Variants in MBP observed in about 807,000 individuals in gnomAD.
MBP encodes the protein Golli-MBP.
MBP carries 16 observed loss-of-function variants against 35.8 expected under a neutral mutation model. That is an observed-to-expected ratio of 0.45 (90% CI 0.30 to 0.68). The LOEUF is 0.68. Among genes scored for constraint, MBP ranks in the 30% least tolerant of loss-of-function variants. The pLI, the probability that MBP is intolerant of heterozygous loss-of-function variation, is 0.08. For missense variants in MBP, 380 were observed against 404.7 expected (o/e 0.94, Z 0.52); for synonymous variants, 143 against 159.6 (o/e 0.90, Z 0.78).
chr18:76,985,313 G>A (rs1969482949), intron 7 of MBP: 17 of 1,297,736 alleles, frequency 1.3e-5, no homozygotes, highest in South Asian at 1.2e-4. Flanking sequence ...GGGGCTGTGC[G>A]CTGTGTAGGT....
In MBP at chr18:77,131,081, ACGCG is replaced by A. The variant is rs57104328; in HGVS notation, c.-26+1495_-26+1498del. ...ACAAAACACACACACGCGCGCACGC[ACGCG>A]CACACACACACACACACACACACAC... On this transcript the variant is annotated intron_variant, in intron 1 of 8. Transcript: ENST00000355994. This position sits in a 1 kb window ranked among gnomAD's most constrained non-coding sequence, Gnocchi z 5.5. 0.18 allele frequency among the ~76,000 whole-genome samples: 15,627 copies of A among 87,494 alleles called. 1,089 individuals carry two copies. The highest frequency in any genetic ancestry group is 0.25 in the Middle Eastern group (35 of 142). The allele number at this position is 87,494 out of a possible 152,430, so 57.4% of individuals were successfully genotyped here.
chr18:77,019,712 G>T (rs1971911985), intron 3 of MBP, among the ~76,000 whole-genome samples: 1 of 152,242 alleles, frequency 6.6e-6, no homozygotes, highest in African/African-American at 2.4e-5. Context: ...GCTTGGGTCA[G>T]CAGGAAGGTC....
chr18:76,996,822 A>C (rs1188359796), intron 4 of MBP, among the ~76,000 whole-genome samples: 1 of 152,170 alleles, frequency 6.6e-6, no homozygotes, highest in Non-Finnish European at 1.5e-5. Context: ...CAACTCATAG[A>C]AGTGTACCCC....
At chr18:77,050,510 T>G (rs1973446426) in intron 3 of MBP, among the ~76,000 whole-genome samples, 1 of 152,214 alleles carries the variant, frequency 6.6e-6, no homozygotes, top group Non-Finnish European at 1.5e-5. Flanking sequence ...AACTGAGCTG[T>G]GTGCCTCGCA....
In MBP at chr18:77,032,694, C is replaced by T. The variant is rs561756420; in HGVS notation, c.140-15426G>A. 3.3e-5 allele frequency among the ~76,000 whole-genome samples: 5 copies of T among 152,326 alleles called. No homozygotes were observed. The South Asian group carries it at 8.3e-4, about 25-fold the overall frequency. On this transcript the variant is annotated intron_variant, in intron 3 of 8. Coordinates refer to ENST00000355994, the MANE Select transcript of MBP (RefSeq NM_001025101.2). ...AGAGATAAGAGATTCTTAAAGAGCCCAATATTCATGTAGATTCGGTTAGGT... is the reference window on the plus strand; with the variant it reads ...AGAGATAAGAGATTCTTAAAGAGCCTAATATTCATGTAGATTCGGTTAGGT...
chr18:77,107,517 A>G (rs60754675), intron 1 of MBP, among the ~76,000 whole-genome samples: 3,879 of 152,304 alleles, frequency 0.025, 262 homozygotes, highest in East Asian at 0.2. Flanking sequence ...CCAAATCAGA[A>G]TAGTGTGGGC....
chr18:77,094,016 G>A (rs925857804), intron 2 of MBP, among the ~76,000 whole-genome samples: 5 of 147,878 alleles, frequency 3.4e-5, no homozygotes, highest in Non-Finnish European at 7.4e-5. Flanking sequence ...TCGCTCTGTC[G>A]CCCAGGCTGG....
At chr18:77,016,635 G>T in intron 4 of MBP, 197 bp downstream of exon 4, 1 of 1,418,998 alleles carries the variant, frequency 7.0e-7, no homozygotes, top group Non-Finnish European at 9.2e-7. Context: ...GAAAAGAGGG[G>T]GTGAGTTAAA....
intron 8 of MBP, chr18:76,984,338 C>T (rs913367286): frequency 1.1e-5 from 2 of 182,602 alleles, no homozygotes; most frequent in Non-Finnish European, 2.3e-5. Context: ...CCTCATGAGC[C>T]GACGGGACAC....
At chr18:77,068,813 A>G (rs916470034) in intron 2 of MBP, among the ~76,000 whole-genome samples, 1 of 152,120 alleles carries the variant, frequency 6.6e-6, no homozygotes, top group Non-Finnish European at 1.5e-5. Context: ...TTTTAACACA[A>G]GTAGAAAACA....
intron 2 of MBP, among the ~76,000 whole-genome samples, chr18:77,081,379 G>C (rs1674716): frequency 4.6e-5 from 7 of 152,122 alleles, no homozygotes; most frequent in Non-Finnish European, 1.0e-4. Flanking sequence ...ACCCAAGTTC[G>C]AAAGATGGGG....
chr18:76,983,199 CAG>C (rs1469438521), intron 8 of MBP: 5 of 152,258 alleles, frequency 3.3e-5, no homozygotes, highest in Admixed American at 1.3e-4. Flanking sequence ...GTGTGTCTAA[CAG>C]TCCTTAAGCT....
chr18:77,064,418 G>A (rs181385510), intron 3 of MBP, among the ~76,000 whole-genome samples: 4 of 152,248 alleles, frequency 2.6e-5, no homozygotes, highest in Non-Finnish European at 2.9e-5. Context: ...TTCCTATAAA[G>A]AGCATAATAA....
chr18:77,010,089 G>C (rs1233395422), intron 4 of MBP: 4 of 619,038 alleles, frequency 6.5e-6, no homozygotes, highest in African/African-American at 3.7e-5. Context: ...AGAGAAGAAG[G>C]CATGTGCAGA....
chr18:76,999,457 A>G (rs901554179), intron 4 of MBP, among the ~76,000 whole-genome samples: 1 of 149,946 alleles, frequency 6.7e-6, no homozygotes, highest in East Asian at 1.9e-4. Context: ...TGTTTAGTTT[A>G]GGTATTTTTT....
At chr18:77,028,590 C>G (rs1252381614) in intron 3 of MBP, among the ~76,000 whole-genome samples, 1 of 85,956 alleles carries the variant, frequency 1.2e-5, no homozygotes, top group African/African-American at 3.2e-5. Flanking sequence ...CCCCTCACCT[C>G]CCGGACGGGG....
intron 1 of MBP, among the ~76,000 whole-genome samples, chr18:77,111,756 AG>A (rs1369756755): frequency 6.6e-6 from 1 of 152,216 alleles, no homozygotes; most frequent in Admixed American, 6.5e-5. Flanking sequence ...CCCTGCAGAG[AG>A]AAAACAGCCC....
chr18:77,080,832 G>T (rs991044111), intron 2 of MBP, among the ~76,000 whole-genome samples: 1 of 151,950 alleles, frequency 6.6e-6, no homozygotes, highest in East Asian at 1.9e-4. Flanking sequence ...ACAGGTGCTC[G>T]CCACCACGCC....
chr18:77,131,034 A>AAAAC lies in MBP; in HGVS notation c.-26+1545_-26+1546insGTTT. Among the ~76,000 whole-genome samples the AAAAC allele has an allele frequency of 6.7e-6, 1 of 149,286 alleles. No individual in the cohort carries two copies. Among genetic ancestry groups the AAAAC allele is most frequent in the African/African-American group, 2.5e-5 (1 of 40,632 alleles). ...ATTTCTGTTTTTCCCACAAAAAAAA[A>AAAAC]AAAAAAACAAAACCTCAAAAAACAA... On this transcript the variant is annotated intron_variant, in intron 1 of 8. Transcript: ENST00000355994. The surrounding 1 kb of genome is among the most constrained non-coding windows in gnomAD (Gnocchi z 5.5).
Sources: gnomAD v4.1 joint callset for allele counts (sites outside exome capture counted in the v4.1 genomes callset) on GRCh38, gnomAD v4.1.1 for gene constraint, Gnocchi (gnomAD v3.1) non-coding constraint, MANE v1.5 for transcripts, NCBI Gene and HGNC (gene_info 2026-07-23, HGNC 2026-07-21) for gene names.